PTPRD: variants seen among roughly 807,000 people sequenced by gnomAD.
PTPRD encodes protein tyrosine phosphatase receptor type D, also known as receptor-type tyrosine-protein phosphatase delta.
Under a neutral mutation model 214.5 loss-of-function variants are expected in PTPRD, and 34 were observed. The ratio of observed to expected loss-of-function variants is 0.16; its 90% CI spans 0.12 to 0.21. The LOEUF (loss-of-function observed/expected upper bound fraction) is 0.21, where lower values mean the gene tolerates loss of function less well. Ranked by LOEUF, PTPRD falls within the 10% of genes least tolerant of loss-of-function variation. PTPRD has a pLI of 1.00. For synonymous variants in PTPRD, 1,128 were observed against 845.7 expected (o/e 1.33, Z -5.79); for missense variants, 2,545 against 2,398.7 (o/e 1.06, Z -1.27).
intron 36 of PTPRD, among the ~76,000 whole-genome samples, chr9:8,397,834 T>A (rs984863435): frequency 6.6e-6 from 1 of 152,204 alleles, no homozygotes; most frequent in Non-Finnish European, 1.5e-5. Flanking sequence ...ATCTCACAAA[T>A]AATCAAGTTA....
At chr9:9,193,713 G>T (rs1475983559) in intron 9 of PTPRD, among the ~76,000 whole-genome samples, 1 of 152,116 alleles carries the variant, frequency 6.6e-6, no homozygotes, top group Non-Finnish European at 1.5e-5. Flanking sequence ...CACCTGTGTA[G>T]GGCACTTACC....
chr9:9,751,194 A>G (rs1020047647), intron 6 of PTPRD, among the ~76,000 whole-genome samples: 1 of 152,128 alleles, frequency 6.6e-6, no homozygotes, highest in Non-Finnish European at 1.5e-5. Flanking sequence ...ATATTTTTAC[A>G]AGAGTATCCC....
At chr9:9,778,893 A>G (rs1051872881) in intron 5 of PTPRD, among the ~76,000 whole-genome samples, 9 of 151,900 alleles carry the variant, frequency 5.9e-5, no homozygotes, top group Admixed American at 4.6e-4. Context: ...AAGAACCCCA[A>G]TAGTAAAAGC....
rs557243514 is a variant in PTPRD at position 9,696,265 on chromosome 9, T to A, written c.-287+38268A>T. 2.6e-5 allele frequency among the ~76,000 whole-genome samples: 4 copies of A among 152,262 alleles called. No individual in the cohort carries two copies. The South Asian group carries it at 8.3e-4, about 32-fold the overall frequency. On this transcript the variant is annotated intron_variant, in intron 7 of 45. Transcript: ENST00000381196. ...ATGTTTCATACGTTTATAAGAAAAA[T>A]GTGTATTCTGCAGCAATTGGATGAA...
chr9:10,418,316 T>A (rs182905556), intron 2 of PTPRD, among the ~76,000 whole-genome samples: 5 of 151,900 alleles, frequency 3.3e-5, no homozygotes, highest in Non-Finnish European at 5.9e-5. Context: ...AAATGTACAC[T>A]TCGCCCTTGG....
chr9:8,838,714 G>A (rs904650395), intron 11 of PTPRD, among the ~76,000 whole-genome samples: 3 of 151,838 alleles, frequency 2.0e-5, no homozygotes, highest in Non-Finnish European at 4.4e-5. Context: ...GTAGTTTGCA[G>A]GATAAAAATA....
intron 9 of PTPRD, among the ~76,000 whole-genome samples, chr9:9,395,275 T>G (rs7869095): frequency 1.3e-5 from 2 of 151,866 alleles, no homozygotes; most frequent in African/African-American, 4.8e-5. Flanking sequence ...ACTTGAGAAC[T>G]TGTTGAAAAT....
intron 2 of PTPRD, among the ~76,000 whole-genome samples, chr9:10,558,652 G>A (rs899330081): frequency 1.3e-5 from 2 of 152,036 alleles, no homozygotes; most frequent in African/African-American, 2.4e-5. Context: ...CAGACTATTT[G>A]GTAGGTTCTT....
rs376633687 is a variant in PTPRD at position 9,786,279 on chromosome 9, C to CT, written c.-367-19429dup. On this transcript the variant is annotated intron_variant, in intron 5 of 45. Transcript: ENST00000381196. Reference sequence around the variant, plus strand: ...AAAATTTACATCTTCTATGCCTACTCTAACCCATTATAAGTTAAAACTATT... The same window carrying CT: ...AAAATTTACATCTTCTATGCCTACTCTTAACCCATTATAAGTTAAAACTATT... Among the ~76,000 whole-genome samples, 747 of 152,296 alleles carry CT rather than the reference C, an allele frequency of 4.9e-3. 9 individuals carry two copies. Among genetic ancestry groups the CT allele is most frequent in the African/African-American group, 0.017 (697 of 41,554 alleles).
At chr9:10,072,555 G>C (rs1300136334) in intron 3 of PTPRD, among the ~76,000 whole-genome samples, 2 of 152,044 alleles carry the variant, frequency 1.3e-5, no homozygotes, top group Non-Finnish European at 2.9e-5. Context: ...GCTGGCTGGG[G>C]TGGCCAGCTT....
intron 6 of PTPRD, among the ~76,000 whole-genome samples, chr9:9,760,389 A>T (rs889789614): frequency 6.6e-6 from 1 of 152,066 alleles, no homozygotes; most frequent in East Asian, 1.9e-4. Flanking sequence ...TGAGGGTAAA[A>T]CATTATTCTG....
chr9:8,686,879 C>G (rs868275993), intron 12 of PTPRD, among the ~76,000 whole-genome samples: 8 of 152,166 alleles, frequency 5.3e-5, no homozygotes, highest in South Asian at 2.1e-4. Flanking sequence ...TATATTCTCT[C>G]AAGTAAGAGA....
At chr9:10,080,469 G>T (rs1038976278) in intron 3 of PTPRD, among the ~76,000 whole-genome samples, 1 of 152,078 alleles carries the variant, frequency 6.6e-6, no homozygotes, top group Non-Finnish European at 1.5e-5. Context: ...AGAGAAATTA[G>T]AAATGCATTA....
At chr9:9,457,389 G>C (rs1569568500) in intron 8 of PTPRD, among the ~76,000 whole-genome samples, 1 of 151,876 alleles carries the variant, frequency 6.6e-6, no homozygotes, top group African/African-American at 2.4e-5. Context: ...ATTCCTATTT[G>C]ACTAAGTATA....
chr9:9,766,347 T>G (rs2154479166), intron 6 of PTPRD, among the ~76,000 whole-genome samples: 1 of 152,312 alleles, frequency 6.6e-6, no homozygotes, highest in Admixed American at 6.5e-5. Context: ...GTTAATGTGT[T>G]TATTTTCCTA....
chr9:8,610,870 A>G (rs1368520575), intron 14 of PTPRD, among the ~76,000 whole-genome samples: 2 of 152,244 alleles, frequency 1.3e-5, no homozygotes, highest in Non-Finnish European at 2.9e-5. Flanking sequence ...AAAGGGCAAC[A>G]ACAAGCCCCA....
intron 39 of PTPRD, among the ~76,000 whole-genome samples, chr9:8,370,205 T>TACAC (rs760579063): frequency 0.081 from 5,078 of 62,856 alleles, 104 homozygotes; most frequent in South Asian, 0.23. Flanking sequence ...CACATATATA[T>TACAC]ATACACACAC....
intron 9 of PTPRD, among the ~76,000 whole-genome samples, chr9:9,217,457 A>G (rs748182282): frequency 6.6e-6 from 1 of 152,056 alleles, no homozygotes; most frequent in Non-Finnish European, 1.5e-5. Context: ...CCTGAGCAAC[A>G]CTCAAATTCA....
At chr9:9,384,666 C>T (rs1312697592) in intron 9 of PTPRD, among the ~76,000 whole-genome samples, 1 of 151,828 alleles carries the variant, frequency 6.6e-6, no homozygotes, top group African/African-American at 2.4e-5. Flanking sequence ...TTTCTTGTAA[C>T]TTGTAGTTGT....
Sources: gnomAD v4.1 joint callset for allele counts (sites outside exome capture counted in the v4.1 genomes callset) on GRCh38, gnomAD v4.1.1 for gene constraint, MANE v1.5 for transcripts, NCBI Gene and HGNC (gene_info 2026-07-23, HGNC 2026-07-21) for gene names.